Variants in UBR4 observed in about 807,000 individuals in gnomAD.
UBR4 encodes ubiquitin protein ligase E3 component n-recognin 4, also known as E3 ubiquitin-protein ligase UBR4.
UBR4 carries 124 observed loss-of-function variants against 575.6 expected under a neutral mutation model. The observed-to-expected ratio is 0.22, with a 90% CI of 0.19 to 0.25. UBR4 has a LOEUF of 0.25. Among genes scored for constraint, UBR4 ranks in the 10% least tolerant of loss-of-function variants. The probability of loss-of-function intolerance (pLI) is 1.00; values close to 1 mark genes in which losing one functional copy is unlikely to be tolerated. For synonymous variants in UBR4, 2,455 were observed against 2,473.7 expected (o/e 0.99, Z 0.22); for missense variants, 4,818 against 6,478.8 (o/e 0.74, Z 8.80).
rs533440868 is a variant in UBR4, at chr1:19,176,001, G to C, written c.2773+591C>G. Among the ~76,000 whole-genome samples, 597 of 152,098 alleles carry C rather than the reference G, an allele frequency of 3.9e-3. 3 individuals carry two copies. The highest frequency in any genetic ancestry group is 0.013 in the African/African-American group (530 of 41,480). On this transcript the variant is annotated intron_variant, in intron 20 of 105. Transcript: ENST00000375254. ...TTGGTAGACGGGATCTACTCAGGCT[G>C]ATCTCAAATTCCTGGGTTCAAGCGA...
At chr1:19,199,582 T>C in intron 3 of UBR4, 69 bp downstream of exon 3, 1 of 1,435,666 alleles carries the variant, frequency 7.0e-7, no homozygotes, top group Non-Finnish European at 9.7e-7. Flanking sequence ...CACTGACCTC[T>C]ACTCTATTCC....
In UBR4 at chr1:19,153,531, C is replaced by T. The variant is rs753211570; in HGVS notation, c.6631-29G>A. On this transcript the variant is annotated intron_variant, in intron 45 of 105. Coordinates refer to ENST00000375254, the MANE Select transcript of UBR4 (RefSeq NM_020765.3). The surrounding 1 kb of genome is among the most constrained non-coding windows in gnomAD (Gnocchi z 4.1). Reference sequence around the variant, plus strand: ...GGAGGAGAGGACAAAGGAGGGTCTTCGTTCCCACACCCACAGATCAGCATC... The same window carrying T: ...GGAGGAGAGGACAAAGGAGGGTCTTTGTTCCCACACCCACAGATCAGCATC... 5.0e-6 allele frequency: 8 copies of T among 1,611,084 alleles called. No individual in the cohort carries two copies. Among genetic ancestry groups the T allele is most frequent in the South Asian group, 4.4e-5 (4 of 90,886 alleles).
rs760068566 is a variant in UBR4 at position 19,139,118 on chromosome 1, C to T, written c.8696G>A (p.Gly2899Asp). 1.9e-6 allele frequency: 3 copies of T among 1,613,632 alleles called. No homozygotes were observed. The highest frequency in any genetic ancestry group is 8.5e-7 in the Non-Finnish European group (1 of 1,179,864). The part of the protein sequence containing the change: ...HGGSVGSESG[G>D]SAVDSVAGEH... ...GCCAGCCACTGAGTCCACTGCACTG[C>T]CCCCGCTCTCCGAGCCCACACTACC... Residue 2899 changes from glycine to aspartate, a missense_variant, in exon 59 of 106, where the codon GGC (glycine) becomes GAC (aspartate). By Grantham distance (94) the Gly-to-Asp change is moderately conservative (BLOSUM62 -1). Transcript: ENST00000375254. The surrounding 1 kb of genome is among the most constrained non-coding windows in gnomAD (Gnocchi z 4.2).
At chr1:19,190,312 A>AAAAAAAAAAAAAATAT in intron 11 of UBR4, among the ~76,000 whole-genome samples, 43 of 79,900 alleles carry the variant, frequency 5.4e-4, no homozygotes, top group African/African-American at 9.1e-4. Context: ...AAAAAAAAAA[A>AAAAAAAAAAAAAATAT]ATATATATAT....
intron 104 of UBR4, 93 bp from the exon 105 acceptor site, chr1:19,076,995 G>C (rs2076006808): frequency 7.2e-7 from 1 of 1,390,216 alleles, no homozygotes; most frequent in Non-Finnish European, 9.7e-7. Flanking sequence ...ACCCCTCAAA[G>C]GACAGCCCTC....
At chr1:19,077,934 C>T (rs41273187) in intron 104 of UBR4, 42 bp downstream of exon 104, 3 of 1,613,108 alleles carry the variant, frequency 1.9e-6, no homozygotes, top group African/African-American at 1.3e-5. Context: ...AGACATTTTA[C>T]ACTCTTGCCA....
Position 19,104,568 on chromosome 1 carries a change from T to A in UBR4, c.12727+17A>T, listed in dbSNP as rs1017751015. On this transcript the variant is annotated intron_variant, in intron 86 of 105. Transcript: ENST00000375254. Reference sequence around the variant, plus strand: ...AGATTCAGGATGCCCTAAAGGAAGGTCCAGGTGGCTCTTTACCTGTGAGAC... The same window carrying A: ...AGATTCAGGATGCCCTAAAGGAAGGACCAGGTGGCTCTTTACCTGTGAGAC... 6.2e-7 allele frequency: 1 copy of A among 1,613,606 alleles called. No homozygotes were observed. The highest frequency in any genetic ancestry group is 2.2e-5 in the East Asian group (1 of 44,874).
intron 60 of UBR4, among the ~76,000 whole-genome samples, chr1:19,130,949 C>T (rs1285835379): frequency 6.6e-6 from 1 of 151,870 alleles, no homozygotes; most frequent in Non-Finnish European, 1.5e-5. Flanking sequence ...CACTCTGTTG[C>T]CCAGGCTGGA....
intron 61 of UBR4, 76 bp from the exon 62 acceptor site, chr1:19,128,394 G>T: frequency 7.9e-7 from 1 of 1,261,058 alleles, no homozygotes; most frequent in Non-Finnish European, 1.2e-6. Flanking sequence ...TGTTTCAGAA[G>T]AAATCCTAAT....
chr1:19,113,808 C>G lies in UBR4; in HGVS notation c.11348G>C (p.Gly3783Ala). Reference protein sequence around the residue: ...EKPQDDSGTAGGISSTSASVN... With the variant: ...EKPQDDSGTAAGISSTSASVN... ...ACTGGCAGAAGTGGAGCTGATGCCCCCTGCTGTTCCTGAGTCATCCTGCAA... is the reference window on the plus strand; with the variant it reads ...ACTGGCAGAAGTGGAGCTGATGCCCGCTGCTGTTCCTGAGTCATCCTGCAA... Residue 3783 changes from glycine (G) to alanine (A), a missense_variant, in exon 77 of 106, where the codon GGG becomes GCG. Gly to Ala is a moderately conservative substitution (Grantham distance 60, BLOSUM62 0). Around this residue, in one of 29 missense-constraint regions of UBR4, gnomAD observed 333 missense variants for 459.2 expected, o/e 0.73. Coordinates refer to ENST00000375254, the MANE Select transcript of UBR4 (RefSeq NM_020765.3). 1 of 1,614,202 alleles carries G rather than the reference C, an allele frequency of 6.2e-7. No individual in the cohort carries two copies. Among genetic ancestry groups the G allele is most frequent in the African/African-American group, 1.3e-5 (1 of 75,060 alleles).
At position 19,100,861 on chromosome 1, in the gene UBR4, C is replaced by T. The variant is rs36115916; in HGVS notation, c.13024-288G>A. Among the ~76,000 whole-genome samples the T allele has an allele frequency of 5.3e-5, 8 of 151,874 alleles. No homozygotes were observed. In the East Asian group the frequency reaches 9.7e-4, roughly 18 times the overall value. ...ACATATGAGAGATATATTAAAAAAT[C>T]GGGGAAGGGGTGCGAGGAGGGACTT... On this transcript the variant is annotated intron_variant, in intron 88 of 105. Transcript: ENST00000375254. This position sits in a 1 kb window ranked among gnomAD's most constrained non-coding sequence, Gnocchi z 4.2.
chr1:19,155,199 G>A, intron 43 of UBR4, 124 bp from the exon 44 acceptor site: 1 of 1,355,326 alleles, frequency 7.4e-7, no homozygotes. Context: ...TGAGATCCCT[G>A]TGGGTAAATC....
In UBR4 at chr1:19,174,416, T is replaced by C. The variant is rs757812543; in HGVS notation, c.2885A>G (p.Lys962Arg). 3 of 1,611,842 alleles carry C rather than the reference T, an allele frequency of 1.9e-6. No individual in the cohort carries two copies. The highest frequency in any genetic ancestry group is 2.2e-5 in the East Asian group (1 of 44,848). The change falls in exon 22 of 106, where the codon AAG (lysine) becomes AGG (arginine). Residue 962 changes from lysine to arginine, a missense_variant. Lys to Arg is a conservative substitution (Grantham distance 26). Coordinates refer to ENST00000375254, the MANE Select transcript of UBR4 (RefSeq NM_020765.3). Reference protein sequence around the residue: ...ACDVLFSKLVKYDELYAALTA... With the variant: ...ACDVLFSKLVRYDELYAALTA... ...CAGTGCAGCATAAAGCTCATCATAC[T>C]TGACAAGCTTGGAGAAAAGGACGTC...
In UBR4 at chr1:19,167,049, A is replaced by G. The variant is rs781500765; in HGVS notation, c.4082T>C (p.Ile1361Thr). ...YEKLITGCYN[I>T]LANHADPNSG... ...GTTAGGATCTGCATGATTGGCCAGA[A>G]TGTTGTAACAACCAGTGATCAGCTT... The change falls in exon 29 of 106, where the codon ATT becomes ACT. Residue 1361 changes from isoleucine (I) to threonine (T), a missense_variant. This residue lies in a region of UBR4 where 1,172 missense variants were observed against 1,259.7 expected (regional missense o/e 0.93). Transcript: ENST00000375254. The G allele has an allele frequency of 1.2e-6, 2 of 1,614,242 alleles. No individual in the cohort carries two copies. The highest frequency in any genetic ancestry group is 1.3e-5 in the African/African-American group (1 of 75,064).
In UBR4 at chr1:19,185,230, T is replaced by C; in HGVS notation, c.1807A>G (p.Lys603Glu). ...QWFEETISPS[K>E]EKAAPPPPPP... ...GGAGGCGGAGGTGCTGCTTTCTCTT[T>C]ACTGGGAGAAATAGTCTCCTCAAAC... Residue 603 changes from lysine to glutamate, a missense_variant, in exon 15 of 106, where the codon AAA (lysine) becomes GAA (glutamate). Physicochemically the swap from Lys to Glu is moderately conservative, Grantham distance 56. This residue lies in a region of UBR4 where 1,172 missense variants were observed against 1,259.7 expected (regional missense o/e 0.93). Transcript: ENST00000375254. The C allele has an allele frequency of 6.2e-7, 1 of 1,612,514 alleles. No homozygotes were observed. The highest frequency in any genetic ancestry group is 8.5e-7 in the Non-Finnish European group (1 of 1,179,340).
intron 103 of UBR4, chr1:19,080,279 C>T (rs563211653): frequency 1.4e-4 from 22 of 152,324 alleles, no homozygotes; most frequent in African/African-American, 4.6e-4. Context: ...AAGACGCCCC[C>T]TCCCACTCTC....
rs1571384726 is a variant in UBR4 at position 19,169,326 on chromosome 1, T to G, written c.3741+109A>C. 8 of 843,270 alleles carry G rather than the reference T, an allele frequency of 9.5e-6. No individual in the cohort carries two copies. In the East Asian group the frequency reaches 2.2e-4, roughly 24 times the overall value. 52.2% of individuals were successfully genotyped at this position (843,270 alleles called of 1,614,324 possible). The stretch of plus-strand genomic sequence containing the variant: ...AGCCATAGCCAATATTACTGCAGTA[T>G]ATGAAGATATCTTGGTAGCTAGTTT... On this transcript the variant is annotated intron_variant, in intron 27 of 105. Coordinates refer to ENST00000375254, the MANE Select transcript of UBR4 (RefSeq NM_020765.3).
At chr1:19,122,795 TC>T in intron 66 of UBR4, 37 bp downstream of exon 66, 2 of 1,612,016 alleles carry the variant, frequency 1.2e-6, no homozygotes, top group South Asian at 1.1e-5. Flanking sequence ...CCTTATCACA[TC>T]CCCCCTCCCT....
In UBR4 at chr1:19,185,284, C is replaced by T. The variant is rs2091407470; in HGVS notation, c.1753G>A (p.Asp585Asn). The T allele has an allele frequency of 3.2e-6, 5 of 1,549,156 alleles. No homozygotes were observed. Among genetic ancestry groups the T allele is most frequent in the Non-Finnish European group, 4.3e-6 (5 of 1,153,522 alleles). The change falls in exon 15 of 106, where the codon GAT (aspartate) becomes AAT (asparagine). Residue 585 changes from aspartate to asparagine, a missense_variant and splice_region_variant. This residue lies in a region of UBR4 where 162 missense variants were observed against 216.4 expected (regional missense o/e 0.75). Transcript: ENST00000375254. Reference sequence around the variant, plus strand: ...TGCCCCAAAATAGGCTCACTGTCATCGTCTGAATAGAGAAAGATAAAGTAA... The same window carrying T: ...TGCCCCAAAATAGGCTCACTGTCATTGTCTGAATAGAGAAAGATAAAGTAA... ...SSTEEDSSQD[D>N]DSEPILGQWF...
Sources: allele counts gnomAD v4.1 joint callset (sites outside exome capture counted in the v4.1 genomes callset), GRCh38; gene constraint gnomAD v4.1.1; regional missense constraint gnomAD v4.1.1; non-coding constraint Gnocchi (gnomAD v3.1); transcripts MANE v1.5; gene names NCBI Gene and HGNC (gene_info 2026-07-23, HGNC 2026-07-21).